Variants in SLC35F3 observed in about 807,000 individuals in gnomAD.
SLC35F3 encodes the protein solute carrier family 35 member F3, also known as putative thiamine transporter SLC35F3.
SLC35F3 carries 25 observed loss-of-function variants against 49.9 expected under a neutral mutation model. The ratio of observed to expected loss-of-function variants is 0.50; its 90% CI spans 0.37 to 0.70. The LOEUF (loss-of-function observed/expected upper bound fraction) is 0.70. Ranked by LOEUF, SLC35F3 falls within the 30% of genes least tolerant of loss-of-function variation. The pLI is 0.00. For missense variants in SLC35F3, 525 were observed against 639.8 expected, an observed-to-expected ratio of 0.82 and a Z score of 1.94; for synonymous variants, 275 against 265.4, an observed-to-expected ratio of 1.04 and a Z score of -0.35.
chr1:234,143,627 A>G (rs12028425), intron 2 of SLC35F3, among the ~76,000 whole-genome samples: 28,135 of 152,040 alleles, frequency 0.19, 4,073 homozygotes, highest in East Asian at 0.75. Context: ...TATAAGTGAC[A>G]ACATCTGGTA....
chr1:234,318,726 C>G, intron 5 of SLC35F3, 25 bp from the exon 6 acceptor site: 1 of 1,605,954 alleles, frequency 6.2e-7, no homozygotes, highest in Non-Finnish European at 8.5e-7. Context: ...GCCTTCACCC[C>G]GTCCTCCTCT....
At chr1:234,309,368 CA>C in intron 4 of SLC35F3, 48 bp downstream of exon 4, 2 of 1,539,060 alleles carry the variant, frequency 1.3e-6, no homozygotes, top group Non-Finnish European at 9.0e-7. Flanking sequence ...TCATGTCAAC[CA>C]AAACCTGCCC....
chr1:233,961,670 A>G (rs1039114975), intron 2 of SLC35F3, among the ~76,000 whole-genome samples: 1 of 151,976 alleles, frequency 6.6e-6, no homozygotes, highest in Non-Finnish European at 1.5e-5. Context: ...TGGCCAGGCT[A>G]GTCTTGAACT....
Position 234,231,438 on chromosome 1 carries a change from C to G in SLC35F3, c.305C>G (p.Ser102Cys), listed in dbSNP as rs746872593. 1.2e-5 allele frequency: 19 copies of G among 1,593,766 alleles called. No homozygotes were observed. The East Asian group carries it at 4.0e-4, about 34-fold the overall frequency. Residue 102 changes from serine to cysteine, a missense_variant, in exon 3 of 8, where the codon TCC (serine) becomes TGC (cysteine). Ser to Cys is a moderately radical substitution (Grantham distance 112). Transcript: ENST00000366618. The surrounding 1 kb of genome is among the most constrained non-coding windows in gnomAD (Gnocchi z 5.4). ...CCAGGGGAGGAGCGCCCCCGGGACT[C>G]CCCGGGCCCGGCGGAGGCCCAGGCA... is the stretch of plus-strand genomic sequence containing the variant. ...SCKREERPRD[S>C]PGPAEAQAPA...
intron 3 of SLC35F3, among the ~76,000 whole-genome samples, chr1:234,244,397 C>T (rs1370908360): frequency 6.6e-6 from 1 of 152,092 alleles, no homozygotes; most frequent in African/African-American, 2.4e-5. Context: ...AAGAAACTAT[C>T]CATGGGCAGT....
chr1:233,971,775 A>G (rs75460285), intron 2 of SLC35F3, among the ~76,000 whole-genome samples: 2,757 of 151,450 alleles, frequency 0.018, 98 homozygotes, highest in East Asian at 0.16. Flanking sequence ...GTGGTCAACA[A>G]TGGGACCACG....
chr1:233,991,720 A>G (rs1236182768), intron 2 of SLC35F3, among the ~76,000 whole-genome samples: 6 of 152,176 alleles, frequency 3.9e-5, no homozygotes, highest in Admixed American at 3.9e-4. Context: ...TCAACAACTA[A>G]CATAGTCTGT....
At chr1:233,912,779 G>A (rs1661902468) in intron 2 of SLC35F3, among the ~76,000 whole-genome samples, 1 of 152,170 alleles carries the variant, frequency 6.6e-6, no homozygotes, top group African/African-American at 2.4e-5. Flanking sequence ...ACTCAAAATG[G>A]CACACAATTC....
intron 2 of SLC35F3, among the ~76,000 whole-genome samples, chr1:234,176,972 G>C (rs758723473): frequency 1.6e-4 from 25 of 152,154 alleles, no homozygotes; most frequent in Non-Finnish European, 2.6e-4. Flanking sequence ...TTTGAGTTGT[G>C]GTTGATATGG....
intron 2 of SLC35F3, among the ~76,000 whole-genome samples, chr1:234,086,060 C>T (rs767975319): frequency 6.6e-6 from 1 of 152,186 alleles, no homozygotes; most frequent in African/African-American, 2.4e-5. Context: ...TTTGTTCATA[C>T]CCTTCCATCA....
intron 2 of SLC35F3, among the ~76,000 whole-genome samples, chr1:233,988,811 G>A (rs1663306895): frequency 2.0e-5 from 3 of 152,092 alleles, no homozygotes; most frequent in African/African-American, 7.2e-5. Context: ...CTTCTGCCAA[G>A]CCTTACCAGA....
chr1:234,107,130 C>T (rs1425098180), intron 2 of SLC35F3, among the ~76,000 whole-genome samples: 1 of 152,212 alleles, frequency 6.6e-6, no homozygotes, highest in African/African-American at 2.4e-5. Context: ...GCCACAGTCA[C>T]CTGGGCAGGG....
At chr1:233,924,630 C>T (rs1052985355) in intron 2 of SLC35F3, among the ~76,000 whole-genome samples, 2 of 152,152 alleles carry the variant, frequency 1.3e-5, no homozygotes, top group East Asian at 1.9e-4. Context: ...TTCTCTATCT[C>T]CTTCAGTTCT....
At position 234,070,037 on chromosome 1, in the gene SLC35F3, T is replaced by G. The variant is rs543797901; in HGVS notation, c.284-161380T>G. On this transcript the variant is annotated intron_variant, in intron 2 of 7. Transcript: ENST00000366618. ...CCCAAATCTTCTTCCAACCACCTCCTCCACCAGGAAGTTGGTTTAAATGGC... is the reference window on the plus strand; with the variant it reads ...CCCAAATCTTCTTCCAACCACCTCCGCCACCAGGAAGTTGGTTTAAATGGC... 1.2e-4 allele frequency among the ~76,000 whole-genome samples: 18 copies of G among 152,274 alleles called. No individual in the cohort carries two copies. In the South Asian group the frequency reaches 3.1e-3, roughly 26 times the overall value.
At chr1:234,293,916 G>T (rs78625812) in intron 3 of SLC35F3, among the ~76,000 whole-genome samples, 1 of 152,010 alleles carries the variant, frequency 6.6e-6, no homozygotes, top group Non-Finnish European at 1.5e-5. Context: ...GGTCATCTTC[G>T]TCTTACTCCA....
At chr1:234,032,744 T>C (rs1310387559) in intron 2 of SLC35F3, among the ~76,000 whole-genome samples, 1 of 152,230 alleles carries the variant, frequency 6.6e-6, no homozygotes, top group Non-Finnish European at 1.5e-5. Context: ...GGTATAAGTA[T>C]ACCACATTTT....
intron 2 of SLC35F3, among the ~76,000 whole-genome samples, chr1:233,922,734 A>G (rs2102788600): frequency 6.6e-6 from 1 of 152,192 alleles, no homozygotes; most frequent in African/African-American, 2.4e-5. Flanking sequence ...TACCCATGTC[A>G]TGAATGGTAT....
intron 2 of SLC35F3, among the ~76,000 whole-genome samples, chr1:233,942,077 CA>C (rs1202603251): frequency 6.6e-6 from 1 of 151,456 alleles, no homozygotes; most frequent in African/African-American, 2.4e-5. Flanking sequence ...TCTCCTGCCT[CA>C]GCCTCCCAAG....
intron 2 of SLC35F3, among the ~76,000 whole-genome samples, chr1:234,076,987 G>GTTT (rs1025001276): frequency 1.8e-4 from 24 of 134,786 alleles, no homozygotes; most frequent in African/African-American, 6.5e-4. Flanking sequence ...AAAGAAAGAG[G>GTTT]TTTTTTTTTT....
Sources: gnomAD v4.1 joint callset for allele counts (sites outside exome capture counted in the v4.1 genomes callset) on GRCh38, gnomAD v4.1.1 for gene constraint, Gnocchi (gnomAD v3.1) non-coding constraint, MANE v1.5 for transcripts, NCBI Gene and HGNC (gene_info 2026-07-23, HGNC 2026-07-21) for gene names.